NOP14: variants seen among roughly 807,000 people sequenced by gnomAD.
NOP14 encodes nucleolar protein 14.
A neutral mutation model predicts 101.6 loss-of-function variants in NOP14; 57 were observed. The ratio of observed to expected loss-of-function variants is 0.56; its 90% confidence interval spans 0.45 to 0.70. NOP14 has a LOEUF of 0.70. NOP14 is among the 30% of genes least tolerant of loss of function. NOP14 has a pLI of 0.00. For missense variants in NOP14, 1,134 were observed against 1,075.5 expected (o/e 1.05, Z -0.76); for synonymous variants, 428 against 424.0 (o/e 1.01, Z -0.12).
In NOP14 at chr4:2,938,925, G is replaced by A. The variant is rs371429680; in HGVS notation, c.2480C>T (p.Ala827Val). 182 of 1,613,578 alleles carry A rather than the reference G, an allele frequency of 1.1e-4. No individual in the cohort carries two copies. Among genetic ancestry groups the A allele is most frequent in the East Asian group, 3.1e-4 (14 of 44,898 alleles). Residue 827 changes from alanine (A) to valine (V), a missense_variant, in exon 18 of 18, where the codon GCG becomes GTG. Transcript: ENST00000416614. ...MQLSEIMERD[A>V]ERKRKVKQLF... ...CTGCTTTACTTTCCGCTTTCTTTCCGCATCCCTAAAAGAAACAAAAGGCAA... is the reference window on the plus strand; with the variant it reads ...CTGCTTTACTTTCCGCTTTCTTTCCACATCCCTAAAAGAAACAAAAGGCAA...
At chr4:2,949,541 T>C (rs552472387) in intron 8 of NOP14, among the ~76,000 whole-genome samples, 10 of 152,122 alleles carry the variant, frequency 6.6e-5, no homozygotes, top group Non-Finnish European at 1.5e-4. Context: ...AAAACAACAC[T>C]GTATATTCCA....
chr4:2,950,280 C>T, intron 7 of NOP14, 67 bp from the exon 8 acceptor site: 1 of 1,545,824 alleles, frequency 6.5e-7, no homozygotes, highest in Non-Finnish European at 8.8e-7. Flanking sequence ...ATCTCACAGC[C>T]ACATCAAGAG....
At chr4:2,960,809 T>C (rs1326410539) in intron 1 of NOP14, among the ~76,000 whole-genome samples, 1 of 105,724 alleles carries the variant, frequency 9.5e-6, no homozygotes, top group Non-Finnish European at 1.9e-5. Flanking sequence ...AATATATTAA[T>C]ATTATAATCA....
rs138920972 is a variant in NOP14, at chr4:2,957,689, A to T, written c.247T>A (p.Phe83Ile). The T allele has an allele frequency of 6.2e-7, 1 of 1,614,018 alleles. No individual in the cohort carries two copies. Among genetic ancestry groups the T allele is most frequent in the African/African-American group, 1.3e-5 (1 of 74,926 alleles). ...EYKERDKSNVFRDKRFGEYNS... is the reference protein window; with the variant it reads ...EYKERDKSNVIRDKRFGEYNS... ...TATTCTCCGAAGCGTTTATCTCTGA[A>T]TACATTGGATTTATCCCTTTCTTTG... The change falls in exon 2 of 18, where the codon TTC becomes ATC. Residue 83 changes from phenylalanine (F) to isoleucine (I), a missense_variant. Phe to Ile is a conservative substitution (Grantham distance 21). Transcript: ENST00000416614.
chr4:2,960,258 C>T (rs968825989), intron 1 of NOP14, among the ~76,000 whole-genome samples: 3 of 152,040 alleles, frequency 2.0e-5, no homozygotes, highest in African/African-American at 7.3e-5. Flanking sequence ...AGGTGTGAGC[C>T]ACCAAACCCA....
At position 2,961,020 on chromosome 4, in the gene NOP14, T is replaced by C. The variant is rs13122846; in HGVS notation, c.195+2105A>G. 1.0e-3 allele frequency among the ~76,000 whole-genome samples: 102 copies of C among 98,628 alleles called. 3 individuals are homozygous for C. Among genetic ancestry groups the C allele is most frequent in the African/African-American group, 4.8e-3 (97 of 20,128 alleles). The allele number at this position is 98,628 out of a possible 152,430, so 64.7% of individuals were successfully genotyped here. On this transcript the variant is annotated intron_variant, in intron 1 of 17. Coordinates refer to ENST00000416614, the MANE Select transcript of NOP14 (RefSeq NM_001291978.2). ...TATTTTAATATTATATCAATATTAT[T>C]ATATTAATATTATATCAATATTATA...
rs760641949 is a variant in NOP14 at position 2,951,066 on chromosome 4, TA to T, written c.1002+47del. ...AAAATGAATACCAAAAAAATGTTTT[TA>T]AATTAAAAAAAGAGAGAGAAAGAGA... On this transcript the variant is annotated intron_variant, in intron 7 of 17. Transcript: ENST00000416614. The T allele has an allele frequency of 2.6e-6, 4 of 1,527,814 alleles. No individual in the cohort carries two copies. In the South Asian group the frequency reaches 4.9e-5, roughly 19 times the overall value. The allele number at this position is 1,527,814 out of a possible 1,614,324, so 94.6% of individuals were successfully genotyped here.
chr4:2,960,534 T>C (rs1333125399), intron 1 of NOP14, among the ~76,000 whole-genome samples: 1 of 151,750 alleles, frequency 6.6e-6, no homozygotes, highest in Admixed American at 6.6e-5. Context: ...ATATGGAATT[T>C]ACGGCATAAA....
rs1488745735 is a variant in NOP14 at position 2,963,345 on chromosome 4, G to A, written c.-26C>T. The A allele has an allele frequency of 6.5e-7, 1 of 1,536,070 alleles. No individual in the cohort carries two copies. The highest frequency in any genetic ancestry group is 1.4e-5 in the African/African-American group (1 of 69,728). On this transcript the variant is annotated 5_prime_UTR_variant, in exon 1 of 18. Coordinates refer to ENST00000416614, the MANE Select transcript of NOP14 (RefSeq NM_001291978.2). Reference sequence around the variant, plus strand: ...GGCGCGCGCCCCGCTGCGCCCAAGGGCCCGAGACCCGAAGAGAGACAGGCG... The same window carrying A: ...GGCGCGCGCCCCGCTGCGCCCAAGGACCCGAGACCCGAAGAGAGACAGGCG...
In NOP14 at chr4:2,942,217, T is replaced by C; in HGVS notation, c.2026A>G (p.Thr676Ala). The change falls in exon 14 of 18, where the codon ACT becomes GCT. Residue 676 changes from threonine to alanine, a missense_variant. Coordinates refer to ENST00000416614, the MANE Select transcript of NOP14 (RefSeq NM_001291978.2). ...LRWASRLRAP[T>A]STEANHIRLS... The stretch of plus-strand genomic sequence containing the variant: ...CGGATGTGATTGGCCTCTGTCGAAG[T>C]TGGGGCCCTCAGTCTACTCGCCCAG... 6.2e-7 allele frequency: 1 copy of C among 1,614,080 alleles called. No individual in the cohort carries two copies. The highest frequency in any genetic ancestry group is 8.5e-7 in the Non-Finnish European group (1 of 1,179,994).
At position 2,960,095 on chromosome 4, in the gene NOP14, C is replaced by G. The variant is rs555687786; in HGVS notation, c.196-2355G>C. On this transcript the variant is annotated intron_variant, in intron 1 of 17. Coordinates refer to ENST00000416614, the MANE Select transcript of NOP14 (RefSeq NM_001291978.2). ...AGCAATTCTCCTGCCTCAGCCTCCC[C>G]AGTAGCTGGGATTACAGGCGCACGC... Among the ~76,000 whole-genome samples the G allele has an allele frequency of 4.5e-4, 68 of 152,166 alleles. 1 individual carries two copies. Among genetic ancestry groups the G allele is most frequent in the African/African-American group, 1.4e-3 (57 of 41,530 alleles).
In NOP14 at chr4:2,963,266, C is replaced by T. The variant is rs762352012; in HGVS notation, c.54G>A (p.Ala18=). 5 of 1,591,198 alleles carry T rather than the reference C, an allele frequency of 3.1e-6. No homozygotes were observed. In the African/African-American group the frequency reaches 6.9e-5, roughly 22 times the overall value. The change falls in exon 1 of 18, where the codon GCG becomes GCA. Residue 18 remains alanine (A), a synonymous_variant. Coordinates refer to ENST00000416614, the MANE Select transcript of NOP14 (RefSeq NM_001291978.2). The stretch of plus-strand genomic sequence containing the variant: ...CCTTCGCCGGGCCCCCTCGCGCTCC[C>T]GCCGGCGCCCCGGAGGCCTTCCTTC... ...GARRKASGAP[A]GARGGPAKAN...
At chr4:2,952,977 G>A (rs1023429490) in intron 5 of NOP14, among the ~76,000 whole-genome samples, 5 of 152,190 alleles carry the variant, frequency 3.3e-5, no homozygotes, top group South Asian at 2.1e-4. Flanking sequence ...CAGGCATTAC[G>A]CCCTAAACGT....
chr4:2,940,655 A>G (rs892496644), intron 15 of NOP14: 1 of 152,428 alleles, frequency 6.6e-6, no homozygotes, highest in Non-Finnish European at 1.5e-5. Context: ...TGCTGTCCTC[A>G]TGGAACTCTC....
chr4:2,941,841 G>A, intron 14 of NOP14, 112 bp from the exon 15 acceptor site: 2 of 1,294,332 alleles, frequency 1.5e-6, no homozygotes, highest in South Asian at 2.9e-5. Flanking sequence ...AAACTCCAGT[G>A]TGGCCACCTT....
In NOP14 at chr4:2,945,237, GAA is replaced by G; in HGVS notation, c.1636-10_1636-9del. ...GATTTTCAAATAAATGAGCTGGAAA[GAA>G]AGTGTTACCACAGGTTAAAGAAGGT... On this transcript the variant is annotated splice_polypyrimidine_tract_variant and intron_variant, in intron 11 of 17. Transcript: ENST00000416614. 1 of 1,554,318 alleles carries G rather than the reference GAA, an allele frequency of 6.4e-7. No homozygotes were observed. The highest frequency in any genetic ancestry group is 1.2e-5 in the South Asian group (1 of 84,478).
In NOP14 at chr4:2,946,470, T is replaced by C. The variant is rs754173550; in HGVS notation, c.1577A>G (p.His526Arg). ...GGTCTCAATCATTTCTTCCATCTCA[T>C]GCATCGCATCTCGGAGAACAAATTT... ...AIKFVLRDAM[H>R]EMEEMIETKG... Residue 526 changes from histidine (H) to arginine (R), a missense_variant, in exon 11 of 18, where the codon CAT becomes CGT. His to Arg is a conservative substitution (Grantham distance 29). Transcript: ENST00000416614. 4 of 1,614,244 alleles carry C rather than the reference T, an allele frequency of 2.5e-6. No individual in the cohort carries two copies. In the South Asian group the frequency reaches 4.4e-5, roughly 18 times the overall value.
intron 8 of NOP14, among the ~76,000 whole-genome samples, chr4:2,948,916 C>T (rs559389101): frequency 1.7e-3 from 258 of 152,356 alleles, no homozygotes; most frequent in Non-Finnish European, 1.9e-3. Flanking sequence ...GGTGCGATCA[C>T]GCACCTGGGA....
chr4:2,939,170 C>G lies in NOP14; in HGVS notation c.2474+18G>C, dbSNP rs1356458934. The G allele has an allele frequency of 1.2e-6, 2 of 1,613,652 alleles. No individual in the cohort carries two copies. The highest frequency in any genetic ancestry group is 1.7e-6 in the Non-Finnish European group (2 of 1,179,854). Reference sequence around the variant, plus strand: ...TGAGTGACACCACAATCGTGTCGCACACACACGTCCCCCTCACCGTTCCAT... The same window carrying G: ...TGAGTGACACCACAATCGTGTCGCAGACACACGTCCCCCTCACCGTTCCAT... On this transcript the variant is annotated intron_variant, in intron 17 of 17. Coordinates refer to ENST00000416614, the MANE Select transcript of NOP14 (RefSeq NM_001291978.2).
Sources: gnomAD v4.1 joint callset for allele counts (sites outside exome capture counted in the v4.1 genomes callset) on GRCh38, gnomAD v4.1.1 for gene constraint, MANE v1.5 for transcripts, NCBI Gene and HGNC (gene_info 2026-07-23, HGNC 2026-07-21) for gene names.